The following ITPKB variants were observed in gnomAD, a reference collection of about 807,000 sequenced individuals.
ITPKB encodes inositol-trisphosphate 3-kinase B.
ITPKB carries 13 observed loss-of-function variants against 69.4 expected under a neutral mutation model. That is an observed-to-expected ratio of 0.19 (90% CI 0.12 to 0.30). The LOEUF (loss-of-function observed/expected upper bound fraction) is 0.30, where lower values mean the gene tolerates loss of function less well. Ranked by LOEUF, ITPKB falls within the 10% of genes least tolerant of loss-of-function variation. The pLI, the probability that ITPKB is intolerant of heterozygous loss-of-function variation, is 1.00. For synonymous variants in ITPKB, 584 were observed against 513.7 expected, an observed-to-expected ratio of 1.14 and a Z score of -1.85; for missense variants, 1,240 against 1,250.5, an observed-to-expected ratio of 0.99 and a Z score of 0.13.
intron 2 of ITPKB, among the ~76,000 whole-genome samples, chr1:226,705,023 G>C (rs1656767540): frequency 6.6e-6 from 1 of 152,170 alleles, no homozygotes; most frequent in Non-Finnish European, 1.5e-5. Context: ...GATAAGAACA[G>C]CATCAGTAAC....
intron 2 of ITPKB, among the ~76,000 whole-genome samples, chr1:226,650,494 C>G (rs1270801792): frequency 6.6e-6 from 1 of 152,190 alleles, no homozygotes; most frequent in Non-Finnish European, 1.5e-5. Context: ...ATCTAAGCAC[C>G]CAGAAGGCTG....
chr1:226,675,127 C>CAAAAAAAAAA (rs71168989), intron 2 of ITPKB: 1 of 66,974 alleles, frequency 1.5e-5, no homozygotes, highest in Non-Finnish European at 2.8e-5. Context: ...TGCTTACAGG[C>CAAAAAAAAAA]AAAAAAAAAA....
chr1:226,737,050 C>G lies in ITPKB; in HGVS notation c.409G>C (p.Glu137Gln). ...TGGTTCACCTGCACGTTCTGCAACT[C>G]GCGCTGCAAGATCCGCAGCTTCCTC... Reference protein sequence around the residue: ...AKRKLRILQRELQNVQVNQKV... With the variant: ...AKRKLRILQRQLQNVQVNQKV... The change falls in exon 2 of 8, where the codon GAG becomes CAG. Residue 137 changes from glutamate to glutamine, a missense_variant. Transcript: ENST00000429204. 6.2e-7 allele frequency: 1 copy of G among 1,612,178 alleles called. No homozygotes were observed. The highest frequency in any genetic ancestry group is 1.3e-5 in the African/African-American group (1 of 75,068).
chr1:226,701,103 C>G (rs189367282), intron 2 of ITPKB, among the ~76,000 whole-genome samples: 117 of 152,318 alleles, frequency 7.7e-4, no homozygotes, highest in African/African-American at 2.7e-3. Context: ...AACACACCTC[C>G]AGGCACTTCA....
At chr1:226,730,333 A>C (rs1165213490) in intron 2 of ITPKB, among the ~76,000 whole-genome samples, 3 of 152,222 alleles carry the variant, frequency 2.0e-5, no homozygotes, top group Admixed American at 6.5e-5. Context: ...ACAAAATCCC[A>C]AACAGGCAGC....
chr1:226,646,030 C>T (rs1669055556), intron 4 of ITPKB, among the ~76,000 whole-genome samples: 1 of 152,192 alleles, frequency 6.6e-6, no homozygotes, highest in Non-Finnish European at 1.5e-5. Flanking sequence ...TGGCCTCTGT[C>T]TCTGTCTCTC....
intron 2 of ITPKB, chr1:226,668,792 T>C (rs1053676394): frequency 1.3e-5 from 2 of 152,250 alleles, no homozygotes; most frequent in African/African-American, 2.4e-5. Context: ...GCTTTGTCTA[T>C]TGATCATGAT....
chr1:226,708,231 G>A (rs935946851), intron 2 of ITPKB, among the ~76,000 whole-genome samples: 4 of 152,174 alleles, frequency 2.6e-5, no homozygotes, highest in East Asian at 1.9e-4. Context: ...TCATTTAGTC[G>A]TGGTTATCAT....
chr1:226,680,192 C>T (rs895981553), intron 2 of ITPKB, among the ~76,000 whole-genome samples: 1 of 152,220 alleles, frequency 6.6e-6, no homozygotes, highest in East Asian at 1.9e-4. Flanking sequence ...GCAGCGCCCG[C>T]GACCACGTGA....
chr1:226,645,003 ATTTG>A, intron 4 of ITPKB, among the ~76,000 whole-genome samples: 1 of 152,212 alleles, frequency 6.6e-6, no homozygotes, highest in Non-Finnish European at 1.5e-5. Flanking sequence ...TGGGGGCCTG[ATTTG>A]CAGTCAAGCA....
intron 2 of ITPKB, among the ~76,000 whole-genome samples, chr1:226,673,362 T>C (rs2102768203): frequency 6.6e-6 from 1 of 152,188 alleles, no homozygotes; most frequent in South Asian, 2.1e-4. Context: ...CATGACCCTG[T>C]CTCAAAAAAC....
intron 2 of ITPKB, among the ~76,000 whole-genome samples, chr1:226,710,211 AG>A (rs1445219277): frequency 6.6e-6 from 1 of 152,180 alleles, no homozygotes; most frequent in African/African-American, 2.4e-5. Context: ...AAGAACAGAA[AG>A]GGGGAAACAA....
intron 4 of ITPKB, among the ~76,000 whole-genome samples, chr1:226,643,975 A>G (rs1168742915): frequency 6.6e-6 from 1 of 152,206 alleles, no homozygotes; most frequent in Non-Finnish European, 1.5e-5. Context: ...GTGTGCATCC[A>G]TGTGTGTACT....
In ITPKB at chr1:226,739,183, A is replaced by G. The variant is rs1553258477; in HGVS notation, c.-348T>C. The stretch of plus-strand genomic sequence containing the variant: ...TGGAAGACAAAAAAGAGGAGTGCGA[A>G]AGAGGGGGGAAAGCTCTTCGGTTCA... On this transcript the variant is annotated 5_prime_UTR_variant, in exon 1 of 8. Transcript: ENST00000429204. 1 of 152,168 alleles carries G rather than the reference A, an allele frequency of 6.6e-6. No individual in the cohort carries two copies. The highest frequency in any genetic ancestry group is 1.5e-5 in the Non-Finnish European group (1 of 68,024). 9.4% of individuals were successfully genotyped at this position (152,168 alleles called of 1,614,324 possible).
At chr1:226,639,519 C>A (rs1212335283) in intron 6 of ITPKB, 38 bp downstream of exon 6, 12 of 1,353,438 alleles carry the variant, frequency 8.9e-6, no homozygotes, top group Non-Finnish European at 1.3e-5. Context: ...CCCTCCCTGG[C>A]TGGCTGGAGA....
intron 2 of ITPKB, among the ~76,000 whole-genome samples, chr1:226,682,048 T>C (rs995732470): frequency 2.0e-5 from 3 of 152,134 alleles, no homozygotes; most frequent in African/African-American, 7.2e-5. Context: ...CACCATCTCA[T>C]CTCCAGTAGT....
chr1:226,662,523 T>C (rs1363564097), intron 2 of ITPKB, among the ~76,000 whole-genome samples: 3 of 152,198 alleles, frequency 2.0e-5, no homozygotes, highest in African/African-American at 4.8e-5. Flanking sequence ...CAACCTCCAA[T>C]TGCTAAAAGT....
chr1:226,661,806 G>A (rs1669407916), intron 2 of ITPKB, among the ~76,000 whole-genome samples: 1 of 152,188 alleles, frequency 6.6e-6, no homozygotes, highest in African/African-American at 2.4e-5. Context: ...TGGATCGGAT[G>A]AACTGTATGG....
At position 226,721,785 on chromosome 1, in the gene ITPKB, G is replaced by A. The variant is rs530248969; in HGVS notation, c.1932+13742C>T. Among the ~76,000 whole-genome samples, 5 of 151,020 alleles carry A rather than the reference G, an allele frequency of 3.3e-5. No individual in the cohort carries two copies. In the South Asian group the frequency reaches 8.4e-4, roughly 25 times the overall value. On this transcript the variant is annotated intron_variant, in intron 2 of 7. Transcript: ENST00000429204. ...GCTGGGATTACAGGCGTGAGCCACC[G>A]CACCTGGCCTTTTTTTCTTTTCTTT...
Sources: allele counts gnomAD v4.1 joint callset (sites outside exome capture counted in the v4.1 genomes callset), GRCh38; gene constraint gnomAD v4.1.1; transcripts MANE v1.5; gene names NCBI Gene and HGNC (gene_info 2026-07-23, HGNC 2026-07-21).